BCAS1: variants seen among roughly 807,000 people sequenced by gnomAD.
BCAS1 encodes brain enriched myelin associated protein 1, also known as breast carcinoma-amplified sequence 1.
Under a neutral mutation model 65.4 loss-of-function variants are expected in BCAS1, and 46 were observed. That is an observed-to-expected ratio of 0.70 (90% CI 0.55 to 0.90). The LOEUF (loss-of-function observed/expected upper bound fraction) is 0.90, where lower values mean the gene tolerates loss of function less well. Ranked by LOEUF, BCAS1 falls within the 40% of genes least tolerant of loss-of-function variation. BCAS1 has a pLI of 0.00. For synonymous variants in BCAS1, 298 were observed against 293.5 expected, an observed-to-expected ratio of 1.02 and a Z score of -0.16; for missense variants, 793 against 771.2, an observed-to-expected ratio of 1.03 and a Z score of -0.33.
intron 12 of BCAS1, among the ~76,000 whole-genome samples, chr20:53,947,987 G>C (rs2089384577): frequency 6.6e-6 from 1 of 152,068 alleles, no homozygotes; most frequent in Non-Finnish European, 1.5e-5. Context: ...TCATTGATCT[G>C]GTATCTGAAA....
At chr20:54,040,747 G>A (rs2091976010) in intron 3 of BCAS1, among the ~76,000 whole-genome samples, 1 of 151,230 alleles carries the variant, frequency 6.6e-6, no homozygotes, top group Admixed American at 6.6e-5. Flanking sequence ...GTAGGAATGT[G>A]ACATGGTGCA....
At chr20:54,032,994 G>A (rs1249706838) in intron 3 of BCAS1, among the ~76,000 whole-genome samples, 1 of 150,742 alleles carries the variant, frequency 6.6e-6, no homozygotes, top group Non-Finnish European at 1.5e-5. Flanking sequence ...CTACAGGACT[G>A]TCCTACTTGA....
At chr20:53,998,165 A>G (rs2090966658) in intron 4 of BCAS1, among the ~76,000 whole-genome samples, 2 of 152,090 alleles carry the variant, frequency 1.3e-5, no homozygotes, top group African/African-American at 4.8e-5. Flanking sequence ...CCTGGATTTT[A>G]TACTTTCTCC....
At chr20:54,032,591 A>G (rs2091824273) in intron 3 of BCAS1, among the ~76,000 whole-genome samples, 1 of 151,412 alleles carries the variant, frequency 6.6e-6, no homozygotes, top group Non-Finnish European at 1.5e-5. Context: ...TCTCCTATGC[A>G]GTGACACACA....
intron 1 of BCAS1, among the ~76,000 whole-genome samples, chr20:54,065,146 A>ATCTG (rs1035594987): frequency 2.9e-5 from 4 of 139,940 alleles, no homozygotes; most frequent in Non-Finnish European, 6.3e-5. Flanking sequence ...CTATCTATCT[A>ATCTG]TCTATCTATC....
chr20:54,027,647 C>G (rs969114643), intron 4 of BCAS1, among the ~76,000 whole-genome samples: 1 of 152,130 alleles, frequency 6.6e-6, no homozygotes, highest in Non-Finnish European at 1.5e-5. Flanking sequence ...TTAAGGAGTT[C>G]TTTTCCTGCC....
chr20:54,029,045 C>T (rs2091744722), intron 3 of BCAS1, 73 bp from the exon 4 acceptor site: 3 of 1,501,824 alleles, frequency 2.0e-6, no homozygotes, highest in Non-Finnish European at 2.7e-6. Context: ...GGACTCCAGA[C>T]ATTTTTTATA....
intron 4 of BCAS1, among the ~76,000 whole-genome samples, chr20:54,006,226 A>C (rs1414644499): frequency 6.6e-6 from 1 of 152,190 alleles, no homozygotes; most frequent in East Asian, 1.9e-4. Flanking sequence ...TCTGCAAGGC[A>C]AAAAGCCTAG....
intron 12 of BCAS1, among the ~76,000 whole-genome samples, chr20:53,952,115 A>C (rs1176942675): frequency 6.6e-6 from 1 of 152,254 alleles, no homozygotes; most frequent in Non-Finnish European, 1.5e-5. Context: ...GAAATTGTTA[A>C]GTGTGGTTAA....
chr20:54,026,520 A>C (rs2091676291), intron 4 of BCAS1, among the ~76,000 whole-genome samples: 2 of 152,250 alleles, frequency 1.3e-5, no homozygotes. Flanking sequence ...CACCTGTCCA[A>C]AGATGAGTAA....
rs139277138 is a variant in BCAS1 at position 54,046,126 on chromosome 20, A to C, written c.142+11959T>G. Among the ~76,000 whole-genome samples the C allele has an allele frequency of 2.6e-3, 393 of 152,358 alleles. 2 individuals carry two copies. The highest frequency in any genetic ancestry group is 9.3e-3 in the African/African-American group (386 of 41,586). ...ATATATGCATGTAAAAATAAAATAC[A>C]AAGAATTAAAATGCATACTAATAGT... On this transcript the variant is annotated intron_variant, in intron 3 of 12. Transcript: ENST00000688948.
intron 1 of BCAS1, among the ~76,000 whole-genome samples, chr20:54,065,395 C>T (rs866106374): frequency 2.6e-5 from 4 of 152,196 alleles, no homozygotes; most frequent in African/African-American, 9.7e-5. Context: ...TTTCTGGAGT[C>T]AGGAGCGATT....
chr20:54,018,168 C>T (rs2091479148), intron 4 of BCAS1, among the ~76,000 whole-genome samples: 1 of 152,170 alleles, frequency 6.6e-6, no homozygotes, highest in Non-Finnish European at 1.5e-5. Context: ...TTGTGATTTT[C>T]ACTCTCCTGT....
chr20:54,037,576 A>T (rs1358382033), intron 3 of BCAS1, among the ~76,000 whole-genome samples: 1 of 151,542 alleles, frequency 6.6e-6, no homozygotes, highest in Non-Finnish European at 1.5e-5. Flanking sequence ...TTGTTTATTT[A>T]TTATTTATTT....
chr20:54,024,691 A>AG (rs3216356), intron 4 of BCAS1, among the ~76,000 whole-genome samples: 84,179 of 151,936 alleles, frequency 0.55, 23,537 homozygotes, highest in South Asian at 0.6. Flanking sequence ...ATGGAAGAGT[A>AG]CCAGGGAGGT....
chr20:54,012,222 A>G (rs2091335746), intron 4 of BCAS1, among the ~76,000 whole-genome samples: 2 of 152,188 alleles, frequency 1.3e-5, no homozygotes, highest in Admixed American at 1.3e-4. Flanking sequence ...AGAACAGACT[A>G]GTGGTTGCAG....
intron 3 of BCAS1, among the ~76,000 whole-genome samples, chr20:54,046,994 G>A (rs150315630): frequency 6.6e-6 from 1 of 152,272 alleles, no homozygotes; most frequent in African/African-American, 2.4e-5. Context: ...TTTAGTTCTG[G>A]CTATGGGCTG....
Position 53,944,880 on chromosome 20 carries a change from T to C in BCAS1, c.*42A>G, listed in dbSNP as rs764655855. On this transcript the variant is annotated 3_prime_UTR_variant, in exon 13 of 13. Coordinates refer to ENST00000688948, the MANE Select transcript of BCAS1 (RefSeq NM_001366298.2). ...GAGGAGATGGAGTAAGGAGAACACA[T>C]CTTGGTGGCAGGAGAACCTGGTGGG... The C allele has an allele frequency of 1.2e-5, 19 of 1,566,602 alleles. No homozygotes were observed. In the Admixed American group the frequency reaches 3.0e-4, roughly 25 times the overall value.
intron 10 of BCAS1, 74 bp downstream of exon 10, chr20:53,966,832 G>T: frequency 2.2e-6 from 3 of 1,383,750 alleles, no homozygotes; most frequent in Non-Finnish European, 3.0e-6. Flanking sequence ...CCTACTACCT[G>T]TGGCATGAGC....
Sources: allele counts gnomAD v4.1 joint callset (sites outside exome capture counted in the v4.1 genomes callset), GRCh38; gene constraint gnomAD v4.1.1; transcripts MANE v1.5; gene names NCBI Gene and HGNC (gene_info 2026-07-23, HGNC 2026-07-21).